ZNF571: variants seen among roughly 807,000 people sequenced by gnomAD.
ZNF571 encodes the protein zinc finger protein 571.
In ZNF571, 4 loss-of-function variants were observed where a neutral mutation model predicts 7.7. That is an observed-to-expected ratio of 0.52 (90% confidence interval 0.25 to 1.18). The LOEUF is 1.18. ZNF571 is among the 50% of genes most tolerant of loss of function. The pLI is 0.14. For synonymous variants in ZNF571, 251 were observed against 232.4 expected, an observed-to-expected ratio of 1.08 and a Z score of -0.73; for missense variants, 704 against 726.9, an observed-to-expected ratio of 0.97 and a Z score of 0.36.
At chr19:37,577,089 A>G (rs1169059735) in intron 3 of ZNF571, among the ~76,000 whole-genome samples, 1 of 152,204 alleles carries the variant, frequency 6.6e-6, no homozygotes, top group Non-Finnish European at 1.5e-5. Context: ...TAATTAAAGA[A>G]CATTCCATTT....
chr19:37,572,021 G>GGC, intron 3 of ZNF571, among the ~76,000 whole-genome samples: 1 of 9,950 alleles, frequency 1.0e-4, no homozygotes, highest in African/African-American at 4.9e-4. Context: ...GCCATAATTA[G>GGC]TACATTAGTC....
At chr19:37,592,463 A>T (rs1278440655) in intron 1 of ZNF571, among the ~76,000 whole-genome samples, 1 of 152,240 alleles carries the variant, frequency 6.6e-6, no homozygotes, top group East Asian at 1.9e-4. Flanking sequence ...AGGACCACAG[A>T]TCATTGTAAT....
At chr19:37,584,200 C>T in intron 2 of ZNF571, 103 bp from the exon 3 acceptor site, 1 of 1,556,552 alleles carries the variant, frequency 6.4e-7, no homozygotes, top group Admixed American at 1.8e-5. Flanking sequence ...TAACACAAAA[C>T]AACAGGAAAT....
intron 3 of ZNF571, among the ~76,000 whole-genome samples, chr19:37,578,225 G>A (rs1168352006): frequency 6.6e-6 from 1 of 152,146 alleles, no homozygotes; most frequent in East Asian, 1.9e-4. Context: ...TTGGGATAGC[G>A]CTGGTCTAGA....
At chr19:37,568,419 T>C (rs1377301262) in intron 3 of ZNF571, among the ~76,000 whole-genome samples, 1 of 151,792 alleles carries the variant, frequency 6.6e-6, no homozygotes, top group Non-Finnish European at 1.5e-5. Context: ...GTTTCTTTCA[T>C]AGAAGAACAA....
At chr19:37,573,842 A>G (rs572970275) in intron 3 of ZNF571, among the ~76,000 whole-genome samples, 44 of 151,914 alleles carry the variant, frequency 2.9e-4, no homozygotes, top group Non-Finnish European at 1.5e-4. Context: ...CAAAAAAAAA[A>G]AAAGAAAGAA....
chr19:37,577,928 G>C (rs987594332), intron 3 of ZNF571, among the ~76,000 whole-genome samples: 8 of 152,160 alleles, frequency 5.3e-5, no homozygotes, highest in Non-Finnish European at 4.4e-5. Context: ...GTGGGGAACC[G>C]AACTGCAGAG....
Position 37,565,618 on chromosome 19 carries a change from C to T in ZNF571, c.810G>A (p.Gln270=). Residue 270 remains glutamine (Q), a synonymous_variant, in exon 4 of 4, where the codon CAG becomes CAA. Coordinates refer to ENST00000451802, the MANE Select transcript of ZNF571 (RefSeq NM_016536.5). ...AGGGTTTTTCACCACTATGAATTCT[C>T]TGATGAAGAGTATATTGTGAACAAT... ...FSYCSQYTLH[Q]RIHSGEKPYE... The T allele has an allele frequency of 6.2e-7, 1 of 1,613,348 alleles. No individual in the cohort carries two copies. The highest frequency in any genetic ancestry group is 8.5e-7 in the Non-Finnish European group (1 of 1,179,800).
intron 3 of ZNF571, among the ~76,000 whole-genome samples, chr19:37,580,715 C>T (rs1600510576): frequency 6.6e-6 from 1 of 152,134 alleles, no homozygotes; most frequent in Non-Finnish European, 1.5e-5. Flanking sequence ...AGCCTGTCAC[C>T]TTTCCCCTCT....
chr19:37,573,408 A>G (rs915872863), intron 3 of ZNF571, among the ~76,000 whole-genome samples: 6 of 152,192 alleles, frequency 3.9e-5, no homozygotes, highest in Non-Finnish European at 5.9e-5. Flanking sequence ...AATCTGCCCA[A>G]TTTGGTTTTC....
At chr19:37,591,617 TCAC>T (rs2043869961) in intron 1 of ZNF571, among the ~76,000 whole-genome samples, 1 of 152,206 alleles carries the variant, frequency 6.6e-6, no homozygotes, top group South Asian at 2.1e-4. Flanking sequence ...CAATCTCGGC[TCAC>T]CACAACCTCG....
In ZNF571 at chr19:37,565,961, TG is replaced by T; in HGVS notation, c.466del (p.Gln156AsnfsTer8). 2.5e-6 allele frequency: 4 copies of T among 1,613,800 alleles called. No homozygotes were observed. The highest frequency in any genetic ancestry group is 3.4e-6 in the Non-Finnish European group (4 of 1,179,750). On this transcript the variant is annotated frameshift_variant, in exon 4 of 4. Transcript: ENST00000451802. LOFTEE classifies it low-confidence loss of function (END_TRUNC). The part of the protein sequence containing the change: ...QGFSYLSCLI[Q>X]HEENHNIEKC... ...TTCTATATTATGATTTTCCTCATGT[TG>T]AATAAGGCATGACAGGTAGCTGAAA...
Position 37,565,171 on chromosome 19 carries a change from G to A in ZNF571, c.1257C>T (p.Tyr419=), listed in dbSNP as rs766274941. 3.7e-6 allele frequency: 6 copies of A among 1,611,864 alleles called. No individual in the cohort carries two copies. The African/African-American group carries it at 5.4e-5, about 14-fold the overall frequency. The change falls in exon 4 of 4, where the codon TAC becomes TAT. Residue 419 remains tyrosine (Y), a synonymous_variant. Coordinates refer to ENST00000451802, the MANE Select transcript of ZNF571 (RefSeq NM_016536.5). ...AGGCCTTTCCACATTCCTTACATTTGTAGGGCTTCTCTCCGGTATGAATTC... is the reference window on the plus strand; with the variant it reads ...AGGCCTTTCCACATTCCTTACATTTATAGGGCTTCTCTCCGGTATGAATTC... The part of the protein sequence containing the change: ...HQRIHTGEKP[Y]KCKECGKAFI...
intron 1 of ZNF571, among the ~76,000 whole-genome samples, chr19:37,589,287 C>T (rs1173447760): frequency 6.6e-6 from 1 of 150,522 alleles, no homozygotes; most frequent in African/African-American, 2.4e-5. Flanking sequence ...AATTCTGTAT[C>T]TCACAATCAT....
In ZNF571 at chr19:37,569,133, A is replaced by G. The variant is rs1055187271; in HGVS notation, c.137-2842T>C. 1.3e-5 allele frequency among the ~76,000 whole-genome samples: 2 copies of G among 152,000 alleles called. No homozygotes were observed. Among genetic ancestry groups the G allele is most frequent in the African/African-American group, 4.8e-5 (2 of 41,368 alleles). On this transcript the variant is annotated intron_variant, in intron 3 of 3. Coordinates refer to ENST00000451802, the MANE Select transcript of ZNF571 (RefSeq NM_016536.5). The surrounding 1 kb of genome is among the most constrained non-coding windows in gnomAD (Gnocchi z 4.4). The stretch of plus-strand genomic sequence containing the variant: ...ATGCCTGGCTCATTTTTGTATTTTT[A>G]GTAGAGATAGGCCTTCACCATATTG...
At chr19:37,584,236 C>G (rs2043581155) in intron 2 of ZNF571, 139 bp from the exon 3 acceptor site, 1 of 1,106,064 alleles carries the variant, frequency 9.0e-7, no homozygotes, top group Non-Finnish European at 1.3e-6. Flanking sequence ...TAGTATTAAC[C>G]TGATTCTCTA....
intron 3 of ZNF571, among the ~76,000 whole-genome samples, chr19:37,575,075 A>C (rs531770938): frequency 6.6e-6 from 1 of 152,338 alleles, no homozygotes; most frequent in Non-Finnish European, 1.5e-5. Context: ...ACAACACCCC[A>C]AATAACAAAA....
At chr19:37,592,236 C>T (rs542718483) in intron 1 of ZNF571, among the ~76,000 whole-genome samples, 1 of 151,842 alleles carries the variant, frequency 6.6e-6, no homozygotes, top group East Asian at 1.9e-4. Flanking sequence ...CCAGCCTGGG[C>T]GACAGAGTGA....
At chr19:37,590,189 G>A (rs1436554626) in intron 1 of ZNF571, among the ~76,000 whole-genome samples, 1 of 151,924 alleles carries the variant, frequency 6.6e-6, no homozygotes, top group Non-Finnish European at 1.5e-5. Flanking sequence ...GGTGGATCAC[G>A]AGGTCAGGAG....
Sources: allele counts gnomAD v4.1 joint callset (sites outside exome capture counted in the v4.1 genomes callset), GRCh38; gene constraint gnomAD v4.1.1; non-coding constraint Gnocchi (gnomAD v3.1); transcripts MANE v1.5; gene names NCBI Gene and HGNC (gene_info 2026-07-23, HGNC 2026-07-21).